ARMH3: variants seen among roughly 807,000 people sequenced by gnomAD.
ARMH3 encodes armadillo-like helical domain-containing protein 3.
In ARMH3, 60 loss-of-function variants were observed where a neutral mutation model predicts 99.1. That is an observed-to-expected ratio of 0.61 (90% CI 0.49 to 0.75). The LOEUF (loss-of-function observed/expected upper bound fraction) is 0.75. Among genes scored for constraint, ARMH3 ranks in the 30% least tolerant of loss-of-function variants. The pLI is 0.00. For missense variants in ARMH3, 679 were observed against 843.1 expected, an observed-to-expected ratio of 0.81 and a Z score of 2.41; for synonymous variants, 285 against 292.8, an observed-to-expected ratio of 0.97 and a Z score of 0.27.
At chr10:101,998,299 A>G (rs957614934) in intron 15 of ARMH3, among the ~76,000 whole-genome samples, 1 of 152,236 alleles carries the variant, frequency 6.6e-6, no homozygotes, top group Non-Finnish European at 1.5e-5. Context: ...TCCATAAAGA[A>G]GCAATGGCTT....
intron 24 of ARMH3, among the ~76,000 whole-genome samples, chr10:101,866,826 C>A (rs1390175837): frequency 6.6e-6 from 1 of 152,070 alleles, no homozygotes; most frequent in Non-Finnish European, 1.5e-5. Flanking sequence ...CCTCTGCCAA[C>A]CAAGAGGCAA....
chr10:101,937,820 T>TCA (rs1218070284), intron 23 of ARMH3, among the ~76,000 whole-genome samples: 1 of 152,192 alleles, frequency 6.6e-6, no homozygotes, highest in Non-Finnish European at 1.5e-5. Context: ...GGCCTTACTG[T>TCA]GGTGACATTC....
Position 101,960,239 on chromosome 10 carries a change from T to C in ARMH3, c.1496-2507A>G, listed in dbSNP as rs571016364. On this transcript the variant is annotated intron_variant, in intron 20 of 25. Coordinates refer to ENST00000370033, the MANE Select transcript of ARMH3 (RefSeq NM_024541.3). Reference sequence around the variant, plus strand: ...GGCAACTAAAATGAAGCCTCTGACATCACAGATGGTAATTCTTCTTCAAGA... The same window carrying C: ...GGCAACTAAAATGAAGCCTCTGACACCACAGATGGTAATTCTTCTTCAAGA... 1.2e-4 allele frequency among the ~76,000 whole-genome samples: 18 copies of C among 152,210 alleles called. No individual in the cohort carries two copies. The East Asian group carries it at 3.5e-3, about 29-fold the overall frequency.
intron 20 of ARMH3, among the ~76,000 whole-genome samples, chr10:101,960,013 A>T (rs192495843): frequency 1.3e-5 from 2 of 152,266 alleles, no homozygotes; most frequent in African/African-American, 4.8e-5. Context: ...CCCTGTCTCT[A>T]CTAAAATACA....
intron 8 of ARMH3, 73 bp downstream of exon 8, chr10:102,023,404 A>C (rs2066930741): frequency 7.4e-7 from 1 of 1,355,206 alleles, no homozygotes; most frequent in African/African-American, 1.5e-5. Flanking sequence ...ACATTAAGCA[A>C]AGTCCTTTAG....
At chr10:101,905,256 C>A (rs942843353) in intron 23 of ARMH3, among the ~76,000 whole-genome samples, 1 of 152,138 alleles carries the variant, frequency 6.6e-6, no homozygotes, top group Non-Finnish European at 1.5e-5. Flanking sequence ...ATGTAAAGGC[C>A]TTGGAAGATT....
intron 24 of ARMH3, among the ~76,000 whole-genome samples, chr10:101,860,265 T>C (rs899133355): frequency 1.3e-4 from 20 of 152,084 alleles, no homozygotes; most frequent in South Asian, 2.1e-4. Context: ...TATAGATATA[T>C]AGATATAGAT....
In ARMH3 at chr10:101,915,287, G is replaced by C. The variant is rs75808214; in HGVS notation, c.1781+24576C>G. Among the ~76,000 whole-genome samples, 15 of 152,276 alleles carry C rather than the reference G, an allele frequency of 9.9e-5. No individual in the cohort carries two copies. In the East Asian group the frequency reaches 2.9e-3, roughly 29 times the overall value. The stretch of plus-strand genomic sequence containing the variant: ...AGTGCTGAAAATCATTCAGCTGAAA[G>C]ACCCAGGGACATTTGTTCAGCAAGT... On this transcript the variant is annotated intron_variant, in intron 23 of 25. Transcript: ENST00000370033.
At chr10:101,850,018 C>A in intron 24 of ARMH3, 126 bp from the exon 25 acceptor site, 4 of 704,226 alleles carry the variant, frequency 5.7e-6, no homozygotes, top group Non-Finnish European at 7.0e-6. Context: ...TTGCTTATTA[C>A]TTATCTTCCA....
chr10:101,890,599 G>T (rs756258229), intron 23 of ARMH3, among the ~76,000 whole-genome samples: 8 of 152,156 alleles, frequency 5.3e-5, no homozygotes, highest in Non-Finnish European at 1.2e-4. Flanking sequence ...TCTCCCTATA[G>T]GAAATGAAGT....
chr10:101,909,530 A>AC (rs1842785063), intron 23 of ARMH3, among the ~76,000 whole-genome samples: 1 of 125,644 alleles, frequency 8.0e-6, no homozygotes. Flanking sequence ...GTGCAGTGGC[A>AC]CAATCACATC....
intron 11 of ARMH3, among the ~76,000 whole-genome samples, chr10:102,010,418 T>C (rs553264255): frequency 6.6e-6 from 1 of 152,200 alleles, no homozygotes; most frequent in Non-Finnish European, 1.5e-5. Context: ...GAAACTAACT[T>C]AGGAAAAACT....
intron 22 of ARMH3, among the ~76,000 whole-genome samples, chr10:101,940,197 C>T (rs1844174789): frequency 6.6e-6 from 1 of 152,086 alleles, no homozygotes. Flanking sequence ...TTAGGTTTTC[C>T]CTCCCCTCTG....
In ARMH3 at chr10:102,023,471, A is replaced by G; in HGVS notation, c.669+6T>C. The G allele has an allele frequency of 6.2e-7, 1 of 1,612,034 alleles. No homozygotes were observed. The highest frequency in any genetic ancestry group is 8.5e-7 in the Non-Finnish European group (1 of 1,178,286). On this transcript the variant is annotated splice_donor_region_variant and intron_variant, in intron 8 of 25. Coordinates refer to ENST00000370033, the MANE Select transcript of ARMH3 (RefSeq NM_024541.3). ...ATAACAACTGTCCACTAAGGAGCCCAGTTACCTCATATTTTCTATAGTTCA... is the reference window on the plus strand; with the variant it reads ...ATAACAACTGTCCACTAAGGAGCCCGGTTACCTCATATTTTCTATAGTTCA...
At chr10:101,964,562 A>C (rs1845451962) in intron 20 of ARMH3, among the ~76,000 whole-genome samples, 1 of 152,216 alleles carries the variant, frequency 6.6e-6, no homozygotes, top group Admixed American at 6.5e-5. Context: ...AAAGGAAGAA[A>C]ATTCTGACAA....
intron 22 of ARMH3, among the ~76,000 whole-genome samples, chr10:101,954,526 G>A (rs986330193): frequency 2.0e-5 from 3 of 152,114 alleles, no homozygotes; most frequent in African/African-American, 4.8e-5. Flanking sequence ...GGGGTTGTGC[G>A]TAGACAAAGG....
intron 8 of ARMH3, among the ~76,000 whole-genome samples, chr10:102,019,440 C>G (rs745839986): frequency 1.3e-5 from 2 of 151,904 alleles, no homozygotes; most frequent in Non-Finnish European, 2.9e-5. Flanking sequence ...AAGGCAGGTC[C>G]TTGAGCAGGT....
intron 8 of ARMH3, among the ~76,000 whole-genome samples, chr10:102,015,510 C>T: frequency 6.6e-6 from 1 of 151,952 alleles, no homozygotes; most frequent in East Asian, 1.9e-4. Context: ...CCTGCCTCAG[C>T]CTCCTGAGTA....
At chr10:102,030,961 G>GT (rs1347636644) in intron 4 of ARMH3, among the ~76,000 whole-genome samples, 3 of 150,942 alleles carry the variant, frequency 2.0e-5, no homozygotes, top group South Asian at 2.1e-4. Context: ...AATTTTTGTA[G>GT]TTTTTTAATA....
Sources: gnomAD v4.1 joint callset for allele counts (sites outside exome capture counted in the v4.1 genomes callset) on GRCh38, gnomAD v4.1.1 for gene constraint, MANE v1.5 for transcripts, NCBI Gene and HGNC (gene_info 2026-07-23, HGNC 2026-07-21) for gene names.